The following NBN variants were observed in gnomAD, a reference collection of about 807,000 sequenced individuals.
NBN encodes the protein nibrin.
A neutral mutation model predicts 90.8 loss-of-function variants in NBN; 88 were observed. The observed-to-expected ratio is 0.97, with a 90% CI of 0.82 to 1.16. The LOEUF is 1.16. NBN is among the 50% of genes most tolerant of loss of function. The probability of loss-of-function intolerance (pLI) is 0.00; values close to 1 mark genes in which losing one functional copy is unlikely to be tolerated. For synonymous variants in NBN, 328 were observed against 295.1 expected, an observed-to-expected ratio of 1.11 and a Z score of -1.14; for missense variants, 894 against 869.6, an observed-to-expected ratio of 1.03 and a Z score of -0.35.
chr8:89,980,176 C>A (rs993150045), intron 4 of NBN, among the ~76,000 whole-genome samples: 3 of 152,114 alleles, frequency 2.0e-5, no homozygotes, highest in Non-Finnish European at 4.4e-5. Flanking sequence ...CCTTTCTCCA[C>A]GATAACTCTT....
intron 3 of NBN, 88 bp from the exon 4 acceptor site, chr8:89,980,981 C>T: frequency 2.7e-6 from 3 of 1,110,824 alleles, no homozygotes; most frequent in Non-Finnish European, 4.0e-6. Context: ...AAGCTCACAT[C>T]ATATACTGTT....
intron 14 of NBN, among the ~76,000 whole-genome samples, chr8:89,940,697 TAATC>T (rs1809900805): frequency 6.9e-6 from 1 of 145,246 alleles, no homozygotes; most frequent in Admixed American, 6.8e-5. Flanking sequence ...CAGGAAATAA[TAATC>T]CACGAATAAA....
At chr8:89,971,396 C>G in intron 5 of NBN, 106 bp from the exon 6 acceptor site, 1 of 1,258,194 alleles carries the variant, frequency 7.9e-7, no homozygotes, top group Non-Finnish European at 1.1e-6. Context: ...TTCCATAATA[C>G]CTTTATAGTA....
chr8:89,960,182 G>A (rs1001295339), intron 8 of NBN, among the ~76,000 whole-genome samples: 32 of 152,172 alleles, frequency 2.1e-4, no homozygotes, highest in African/African-American at 7.5e-4. Context: ...CACAGGATGT[G>A]CTTAATATTT....
rs1279573494 is a variant in NBN at position 89,935,501 on chromosome 8, CT to C, written c.*80del. The C allele has an allele frequency of 6.5e-7, 1 of 1,542,950 alleles. No individual in the cohort carries two copies. The highest frequency in any genetic ancestry group is 8.9e-7 in the Non-Finnish European group (1 of 1,119,006). On this transcript the variant is annotated 3_prime_UTR_variant, in exon 16 of 16. Coordinates refer to ENST00000265433, the MANE Select transcript of NBN (RefSeq NM_002485.5). ...TTGTAACTTAAATCGCTTCTATACA[CT>C]ATATATTCATATAACCTTGTTGGCC...
intron 2 of NBN, chr8:89,981,982 T>C (rs1311945657): frequency 1.6e-6 from 2 of 1,212,472 alleles, no homozygotes; most frequent in East Asian, 9.2e-5. Context: ...CTGTAGAAAT[T>C]TCCAAAATGT....
At position 89,955,513 on chromosome 8, in the gene NBN, C is replaced by G; in HGVS notation, c.1167G>C (p.Met389Ile). 1 of 1,613,470 alleles carries G rather than the reference C, an allele frequency of 6.2e-7. No individual in the cohort carries two copies. Among genetic ancestry groups the G allele is most frequent in the Non-Finnish European group, 8.5e-7 (1 of 1,179,728 alleles). The change falls in exon 10 of 16, where the codon ATG becomes ATC. Residue 389 changes from methionine (M) to isoleucine (I), a missense_variant. Met to Ile is a conservative substitution (Grantham distance 10). Coordinates refer to ENST00000265433, the MANE Select transcript of NBN (RefSeq NM_002485.5). ...ERPKEIKVSK[M>I]EQKFRMLSQD... ...GTGAAAGCATTCTGAATTTTTGTTC[C>G]ATTTTGGAGACTTTGATTTCTTTTG...
chr8:89,974,103 C>G (rs1168545538), intron 5 of NBN, among the ~76,000 whole-genome samples: 1 of 152,080 alleles, frequency 6.6e-6, no homozygotes, highest in African/African-American at 2.4e-5. Flanking sequence ...TTTGCAAATA[C>G]AGAATTTTTC....
At chr8:89,977,881 A>T (rs1811841262) in intron 5 of NBN, among the ~76,000 whole-genome samples, 3 of 152,166 alleles carry the variant, frequency 2.0e-5, no homozygotes, top group Admixed American at 2.0e-4. Flanking sequence ...GGGCTGCTGC[A>T]CCACACAATT....
chr8:89,973,815 G>A (rs1811623747), intron 5 of NBN, among the ~76,000 whole-genome samples: 1 of 152,114 alleles, frequency 6.6e-6, no homozygotes, highest in Non-Finnish European at 1.5e-5. Context: ...CATATTGACT[G>A]AATATAACGA....
At chr8:89,942,564 T>G (rs577014163) in intron 14 of NBN, among the ~76,000 whole-genome samples, 31 of 151,878 alleles carry the variant, frequency 2.0e-4, no homozygotes, top group African/African-American at 7.5e-4. Flanking sequence ...GCAAATAATA[T>G]AAAAGGGGAA....
At chr8:89,951,674 G>A (rs139785123) in intron 11 of NBN, among the ~76,000 whole-genome samples, 13 of 152,108 alleles carry the variant, frequency 8.5e-5, no homozygotes, top group Non-Finnish European at 1.5e-4. Flanking sequence ...TAGGAATTGC[G>A]ACAGAAGTGA....
chr8:89,936,718 C>T (rs1402578572), intron 15 of NBN, among the ~76,000 whole-genome samples: 3 of 152,164 alleles, frequency 2.0e-5, no homozygotes, highest in Admixed American at 6.5e-5. Context: ...AAAACTCAAT[C>T]GTAATTCTAC....
At chr8:89,953,118 C>T (rs1810514321) in intron 11 of NBN, 126 bp downstream of exon 11, 3 of 707,874 alleles carry the variant, frequency 4.2e-6, no homozygotes, top group African/African-American at 3.5e-5. Flanking sequence ...TATCAACCAA[C>T]AAATTTCTAT....
intron 7 of NBN, among the ~76,000 whole-genome samples, chr8:89,966,255 C>T (rs750479812): frequency 2.6e-5 from 4 of 151,916 alleles, no homozygotes; most frequent in Non-Finnish European, 5.9e-5. Context: ...AGAGAAATAA[C>T]GATTACAAAG....
At chr8:89,964,375 T>C (rs1811139342) in intron 8 of NBN, 35 bp downstream of exon 8, 1 of 1,609,814 alleles carries the variant, frequency 6.2e-7, no homozygotes, top group South Asian at 1.1e-5. Context: ...CATAATAAAG[T>C]TGCTAACGAA....
At chr8:89,976,198 T>C (rs1295906840) in intron 5 of NBN, among the ~76,000 whole-genome samples, 1 of 152,200 alleles carries the variant, frequency 6.6e-6, no homozygotes, top group African/African-American at 2.4e-5. Flanking sequence ...GGTCTCGAAC[T>C]CCTGACCCCA....
chr8:89,953,650 G>C lies in NBN; in HGVS notation c.1439C>G (p.Ser480Ter). The change falls in exon 11 of 16, where the codon TCA becomes TGA. Residue 480 changes from serine to a stop codon, truncating the protein, a stop_gained. Transcript: ENST00000265433. LOFTEE classifies it high-confidence loss of function. ...AGAACAAGACGTTTCTATTCTTGCT[G>C]ATTTGCATGAAGACATTTCTTGATT... ...EENQEMSSCK[S>*]ARIETSCSLL... 1 of 1,612,408 alleles carries C rather than the reference G, an allele frequency of 6.2e-7. No homozygotes were observed. The highest frequency in any genetic ancestry group is 8.5e-7 in the Non-Finnish European group (1 of 1,179,398).
At chr8:89,964,662 G>A (rs576895549) in intron 7 of NBN, 155 bp from the exon 8 acceptor site, 28 of 236,512 alleles carry the variant, frequency 1.2e-4, no homozygotes, top group Non-Finnish European at 1.8e-4. Context: ...TAGCTTACTC[G>A]CTGGGGCACT....
Sources: gnomAD v4.1 joint callset for allele counts (sites outside exome capture counted in the v4.1 genomes callset) on GRCh38, gnomAD v4.1.1 for gene constraint, MANE v1.5 for transcripts, NCBI Gene and HGNC (gene_info 2026-07-23, HGNC 2026-07-21) for gene names.